FILIP1: variants seen among roughly 807,000 people sequenced by gnomAD.
FILIP1 encodes filamin A interacting protein 1.
In FILIP1, 61 loss-of-function variants were observed where a neutral mutation model predicts 102.1. That is an observed-to-expected ratio of 0.60 (90% CI 0.49 to 0.74). The LOEUF (loss-of-function observed/expected upper bound fraction) is 0.74, where lower values mean the gene tolerates loss of function less well. FILIP1 is among the 30% of genes least tolerant of loss of function. The pLI, the probability that FILIP1 is intolerant of heterozygous loss-of-function variation, is 0.00. For missense variants in FILIP1, 1,314 were observed against 1,441.2 expected, an observed-to-expected ratio of 0.91 and a Z score of 1.43; for synonymous variants, 491 against 526.9, an observed-to-expected ratio of 0.93 and a Z score of 0.93.
At chr6:75,427,960 T>C (rs926310015) in intron 1 of FILIP1, among the ~76,000 whole-genome samples, 2 of 152,150 alleles carry the variant, frequency 1.3e-5, no homozygotes, top group African/African-American at 4.8e-5. Flanking sequence ...GAAATTAAAA[T>C]AGAAGTAGCC....
intron 2 of FILIP1, among the ~76,000 whole-genome samples, chr6:75,386,783 CA>C (rs1309250661): frequency 6.6e-6 from 1 of 152,120 alleles, no homozygotes; most frequent in Non-Finnish European, 1.5e-5. Flanking sequence ...ACCAGTAAAA[CA>C]AAGAGAAAAT....
chr6:75,464,607 A>C (rs1211716776), intron 1 of FILIP1, among the ~76,000 whole-genome samples: 1 of 152,202 alleles, frequency 6.6e-6, no homozygotes, highest in Non-Finnish European at 1.5e-5. Flanking sequence ...CTGATGTACA[A>C]AGACTTTGGT....
chr6:75,343,002 C>T (rs1774465583), intron 4 of FILIP1, among the ~76,000 whole-genome samples: 1 of 152,140 alleles, frequency 6.6e-6, no homozygotes, highest in South Asian at 2.1e-4. Flanking sequence ...TATGCTGAAG[C>T]CCTAATCCCC....
At chr6:75,372,711 A>G (rs1486128286) in intron 2 of FILIP1, among the ~76,000 whole-genome samples, 2 of 53,982 alleles carry the variant, frequency 3.7e-5, no homozygotes, top group Admixed American at 3.6e-4. Context: ...GAAAGAAAGA[A>G]AGGAAAGAAA....
At chr6:75,323,060 A>G (rs1001990515) in intron 4 of FILIP1, among the ~76,000 whole-genome samples, 2 of 152,200 alleles carry the variant, frequency 1.3e-5, no homozygotes, top group African/African-American at 4.8e-5. Context: ...ATTATTTTCA[A>G]CTAGAAGACT....
chr6:75,373,596 C>T (rs1269361078), intron 2 of FILIP1, among the ~76,000 whole-genome samples: 2 of 151,102 alleles, frequency 1.3e-5, no homozygotes, highest in South Asian at 2.1e-4. Flanking sequence ...TGAGCCACCA[C>T]GCCTGGCCAA....
At position 75,339,308 on chromosome 6, in the gene FILIP1, A is replaced by T. The variant is rs927797963; in HGVS notation, c.629+14231T>A. The stretch of plus-strand genomic sequence containing the variant: ...ACTCTGGTTCCTGAGGACTCTCTTG[A>T]TTAATTAATGCTTATTTATCTCTCT... On this transcript the variant is annotated intron_variant, in intron 4 of 5. Coordinates refer to ENST00000237172, the MANE Select transcript of FILIP1 (RefSeq NM_015687.5). 5.3e-5 allele frequency among the ~76,000 whole-genome samples: 8 copies of T among 152,330 alleles called. No homozygotes were observed. The East Asian group carries it at 1.5e-3, about 29-fold the overall frequency.
At chr6:75,345,499 G>A (rs1402273928) in intron 4 of FILIP1, among the ~76,000 whole-genome samples, 1 of 152,038 alleles carries the variant, frequency 6.6e-6, no homozygotes, top group Non-Finnish European at 1.5e-5. Context: ...AAAATGGCAG[G>A]GCCATCTTCT....
chr6:75,433,828 C>T (rs1339799423), intron 1 of FILIP1, among the ~76,000 whole-genome samples: 1 of 152,272 alleles, frequency 6.6e-6, no homozygotes, highest in Middle Eastern at 3.4e-3. Flanking sequence ...TTAGGTCTAA[C>T]ATTTAAGTCT....
At chr6:75,460,148 G>T (rs1194367229) in intron 1 of FILIP1, among the ~76,000 whole-genome samples, 1 of 152,122 alleles carries the variant, frequency 6.6e-6, no homozygotes, top group Non-Finnish European at 1.5e-5. Flanking sequence ...AGGATTCTTT[G>T]GTTGGAACTC....
At chr6:75,402,608 G>A (rs1776696980) in intron 2 of FILIP1, among the ~76,000 whole-genome samples, 1 of 152,126 alleles carries the variant, frequency 6.6e-6, no homozygotes, top group African/African-American at 2.4e-5. Context: ...TTTAGAAAAA[G>A]AAAAGCCATC....
intron 2 of FILIP1, among the ~76,000 whole-genome samples, chr6:75,390,437 C>G (rs1361384620): frequency 6.6e-6 from 1 of 152,110 alleles, no homozygotes; most frequent in African/African-American, 2.4e-5. Flanking sequence ...GCTCATGGTT[C>G]CACAGGCTGT....
At position 75,362,752 on chromosome 6, in the gene FILIP1, T is replaced by C; in HGVS notation, c.442A>G (p.Ile148Val). 1 of 1,613,110 alleles carries C rather than the reference T, an allele frequency of 6.2e-7. No homozygotes were observed. Residue 148 changes from isoleucine (I) to valine (V), a missense_variant, in exon 3 of 6, where the codon ATT becomes GTT. Physicochemically the swap from Ile to Val is conservative, Grantham distance 29. Transcript: ENST00000237172. ...TGGTGTCATATTTTTACCTCTGAAA[T>C]CGGTTTCTCATAGACATCTTCTCCT... ...SIGEDVYEKP[I>V]SELDRLEEKQ... is the part of the protein sequence containing the mutation.
intron 2 of FILIP1, among the ~76,000 whole-genome samples, chr6:75,370,569 C>CTTTTTTTTT (rs61384517): frequency 1.3e-4 from 10 of 75,700 alleles, no homozygotes; most frequent in African/African-American, 4.1e-4. Context: ...GGAGTCTCTT[C>CTTTTTTTTT]TTTTTTTTTT....
At chr6:75,401,209 C>T (rs1321890825) in intron 2 of FILIP1, among the ~76,000 whole-genome samples, 1 of 152,152 alleles carries the variant, frequency 6.6e-6, no homozygotes, top group Non-Finnish European at 1.5e-5. Flanking sequence ...AGTAAATAGC[C>T]TATTGTCAGT....
intron 1 of FILIP1, among the ~76,000 whole-genome samples, chr6:75,459,375 G>A (rs1222879544): frequency 6.6e-6 from 1 of 152,072 alleles, no homozygotes; most frequent in Non-Finnish European, 1.5e-5. Flanking sequence ...AGGAGTAATT[G>A]CTTTAACCAC....
chr6:75,328,378 A>G (rs550825742), intron 4 of FILIP1, among the ~76,000 whole-genome samples: 29 of 152,340 alleles, frequency 1.9e-4, no homozygotes, highest in African/African-American at 6.7e-4. Context: ...AGATGAAACC[A>G]GACTGGTCAT....
At chr6:75,405,573 C>G (rs1297811018) in intron 2 of FILIP1, among the ~76,000 whole-genome samples, 1 of 152,150 alleles carries the variant, frequency 6.6e-6, no homozygotes, top group Non-Finnish European at 1.5e-5. Flanking sequence ...CTTTTTAATT[C>G]TCAGCAAGGC....
At chr6:75,374,839 A>G (rs2951941) in intron 2 of FILIP1, among the ~76,000 whole-genome samples, 3,998 of 152,316 alleles carry the variant, frequency 0.026, 189 homozygotes, top group African/African-American at 0.091. Flanking sequence ...TCTCTGGTAC[A>G]ACTCTGTTTA....
Sources: gnomAD v4.1 joint callset for allele counts (sites outside exome capture counted in the v4.1 genomes callset) on GRCh38, gnomAD v4.1.1 for gene constraint, MANE v1.5 for transcripts, NCBI Gene and HGNC (gene_info 2026-07-23, HGNC 2026-07-21) for gene names.